ITPRID1: variants seen among roughly 807,000 people sequenced by gnomAD.
ITPRID1 encodes the protein ITPR interacting domain containing 1.
ITPRID1 carries 96 observed loss-of-function variants against 95.4 expected under a neutral mutation model. The observed-to-expected ratio is 1.01, with a 90% CI of 0.85 to 1.19. ITPRID1 has a LOEUF of 1.19. Among genes scored for constraint, ITPRID1 ranks in the 50% most tolerant of loss-of-function variants. The pLI is 0.00. For missense variants in ITPRID1, 1,339 were observed against 1,252.9 expected (o/e 1.07, Z -1.04); for synonymous variants, 510 against 453.6 (o/e 1.12, Z -1.58).
chr7:31,630,026 GATTAT>G (rs1485759813), intron 10 of ITPRID1, among the ~76,000 whole-genome samples: 2 of 152,058 alleles, frequency 1.3e-5, no homozygotes, highest in South Asian at 4.2e-4. Context: ...TAAAATCCTA[GATTAT>G]ATCATAGAAA....
At chr7:31,586,809 T>C (rs1785634234) in intron 10 of ITPRID1, among the ~76,000 whole-genome samples, 1 of 151,874 alleles carries the variant, frequency 6.6e-6, no homozygotes, top group Non-Finnish European at 1.5e-5. Flanking sequence ...ACTCTGACGG[T>C]AGTTTCTTTT....
intron 1 of ITPRID1, among the ~76,000 whole-genome samples, chr7:31,538,262 GCA>G (rs374840092): frequency 1.3e-5 from 2 of 150,818 alleles, no homozygotes; most frequent in African/African-American, 2.4e-5. Flanking sequence ...ACGTGCGCAT[GCA>G]CACACACACA....
intron 1 of ITPRID1, among the ~76,000 whole-genome samples, chr7:31,527,699 A>G (rs555496103): frequency 1.3e-5 from 2 of 152,256 alleles, no homozygotes; most frequent in East Asian, 3.9e-4. Flanking sequence ...CACCTTACCT[A>G]TTAGATTTCA....
intron 10 of ITPRID1, among the ~76,000 whole-genome samples, chr7:31,618,413 G>C (rs1238864484): frequency 1.3e-5 from 2 of 152,156 alleles, no homozygotes; most frequent in Non-Finnish European, 2.9e-5. Flanking sequence ...TTGAAGAAGA[G>C]GCATCTGGCT....
chr7:31,647,459 C>T (rs565415123), intron 12 of ITPRID1, among the ~76,000 whole-genome samples: 7 of 149,332 alleles, frequency 4.7e-5, no homozygotes, highest in East Asian at 2.0e-4. Flanking sequence ...GTTAGGGCTT[C>T]GAGAACAGCC....
chr7:31,571,213 A>G (rs932806024), intron 6 of ITPRID1, among the ~76,000 whole-genome samples: 1 of 151,940 alleles, frequency 6.6e-6, no homozygotes, highest in African/African-American at 2.4e-5. Context: ...TTTTTAGTGG[A>G]GAGGGGGTTT....
At chr7:31,540,582 T>G (rs1189624181) in intron 1 of ITPRID1, among the ~76,000 whole-genome samples, 1 of 152,234 alleles carries the variant, frequency 6.6e-6, no homozygotes, top group Non-Finnish European at 1.5e-5. Flanking sequence ...CTGGTTTGCT[T>G]TATTATACTT....
intron 9 of ITPRID1, among the ~76,000 whole-genome samples, chr7:31,579,962 A>G (rs1785335713): frequency 6.6e-6 from 1 of 152,182 alleles, no homozygotes; most frequent in Non-Finnish European, 1.5e-5. Flanking sequence ...TTAATCTTGC[A>G]AAGATTATTT....
chr7:31,557,227 T>C (rs2128138259), intron 5 of ITPRID1, among the ~76,000 whole-genome samples: 1 of 152,272 alleles, frequency 6.6e-6, no homozygotes, highest in Middle Eastern at 3.4e-3. Context: ...GTCAACTAAC[T>C]AGAATTCATT....
chr7:31,640,858 A>G lies in ITPRID1; in HGVS notation c.1229-1318A>G, dbSNP rs115546851. On this transcript the variant is annotated intron_variant, in intron 10 of 14. Transcript: ENST00000615280. ...TCAAAATTTTGCTCAAAGTTTCTCA[A>G]TCTCTCTAGGATTGAGCTATTTTAA... Among the ~76,000 whole-genome samples, 149 of 152,206 alleles carry G rather than the reference A, an allele frequency of 9.8e-4. 1 individual carries two copies. The highest frequency in any genetic ancestry group is 3.4e-3 in the African/African-American group (140 of 41,550).
In ITPRID1 at chr7:31,629,755, C is replaced by T. The variant is rs897146962; in HGVS notation, c.1229-12421C>T. On this transcript the variant is annotated intron_variant, in intron 10 of 14. Coordinates refer to ENST00000615280, the MANE Select transcript of ITPRID1 (RefSeq NM_001257967.3). ...TTTAAAGTAGAAATTTTGCAACTCA[C>T]GAATTGTGTGCCTTTCAAGTTGTCA... Among the ~76,000 whole-genome samples the T allele has an allele frequency of 6.6e-5, 10 of 152,166 alleles. No homozygotes were observed. In the East Asian group the frequency reaches 1.5e-3, roughly 24 times the overall value.
intron 1 of ITPRID1, among the ~76,000 whole-genome samples, chr7:31,528,647 A>C (rs1195348612): frequency 6.6e-6 from 1 of 152,184 alleles, no homozygotes; most frequent in Non-Finnish European, 1.5e-5. Context: ...ATAGGGCTAG[A>C]AGGAAAGTAT....
chr7:31,588,938 TAAAAATATA>T (rs1197988336), intron 10 of ITPRID1, among the ~76,000 whole-genome samples: 2 of 151,880 alleles, frequency 1.3e-5, no homozygotes, highest in African/African-American at 4.8e-5. Flanking sequence ...TCAGGAACAA[TAAAAATATA>T]CTAGACACAT....
At chr7:31,611,294 T>C (rs565163188) in intron 10 of ITPRID1, among the ~76,000 whole-genome samples, 1 of 151,934 alleles carries the variant, frequency 6.6e-6, no homozygotes, top group East Asian at 1.9e-4. Flanking sequence ...TTTTTATACA[T>C]TATGATTATA....
intron 10 of ITPRID1, among the ~76,000 whole-genome samples, chr7:31,624,884 G>T (rs1347921862): frequency 6.6e-6 from 1 of 152,068 alleles, no homozygotes; most frequent in Non-Finnish European, 1.5e-5. Context: ...CTGACAAAGG[G>T]CTAATATCCA....
intron 10 of ITPRID1, among the ~76,000 whole-genome samples, chr7:31,641,502 T>G (rs1403258081): frequency 6.6e-6 from 1 of 152,172 alleles, no homozygotes; most frequent in Admixed American, 6.5e-5. Flanking sequence ...AATTTAATCT[T>G]TAGCATGGTG....
chr7:31,536,684 G>A (rs1783768810), intron 1 of ITPRID1, among the ~76,000 whole-genome samples: 1 of 151,962 alleles, frequency 6.6e-6, no homozygotes, highest in East Asian at 1.9e-4. Context: ...AGTCTTGCTG[G>A]GTCTTGGATT....
chr7:31,539,005 T>C (rs558870496), intron 1 of ITPRID1, among the ~76,000 whole-genome samples: 5 of 152,322 alleles, frequency 3.3e-5, no homozygotes, highest in African/African-American at 1.2e-4. Context: ...CCATTATTTG[T>C]GTCATGACAG....
chr7:31,537,462 T>C (rs1425458823), intron 1 of ITPRID1, among the ~76,000 whole-genome samples: 2 of 152,086 alleles, frequency 1.3e-5, no homozygotes, highest in Non-Finnish European at 2.9e-5. Context: ...GTTAGTTTTT[T>C]CCCCCCAATT....
Sources: gnomAD v4.1 joint callset for allele counts (sites outside exome capture counted in the v4.1 genomes callset) on GRCh38, gnomAD v4.1.1 for gene constraint, MANE v1.5 for transcripts, NCBI Gene and HGNC (gene_info 2026-07-23, HGNC 2026-07-21) for gene names.